Variants in SLC35F2 observed in about 807,000 individuals in gnomAD.
The protein encoded by SLC35F2 is queuine/queuosine transporter SLC35F2.
A neutral mutation model predicts 38.1 loss-of-function variants in SLC35F2; 25 were observed. The observed-to-expected ratio is 0.66, with a 90% confidence interval of 0.48 to 0.92. The LOEUF is 0.92. SLC35F2 is among the 40% of genes least tolerant of loss of function. The pLI, the probability that SLC35F2 is intolerant of heterozygous loss-of-function variation, is 0.00. For synonymous variants in SLC35F2, 173 were observed against 181.7 expected (o/e 0.95, Z 0.38); for missense variants, 409 against 452.9 (o/e 0.90, Z 0.88).
intron 1 of SLC35F2, among the ~76,000 whole-genome samples, chr11:107,847,521 T>C (rs563841484): frequency 2.0e-5 from 3 of 152,170 alleles, no homozygotes; most frequent in Non-Finnish European, 4.4e-5. Flanking sequence ...ATGGGAGGAA[T>C]TGCTACCATT....
At chr11:107,815,662 C>T in intron 2 of SLC35F2, 128 bp downstream of exon 2, 2 of 1,077,846 alleles carry the variant, frequency 1.9e-6, no homozygotes, top group East Asian at 2.6e-5. Flanking sequence ...TTACTTTAAT[C>T]AACAATTTCA....
chr11:107,834,982 G>A (rs1475524872), intron 1 of SLC35F2, among the ~76,000 whole-genome samples: 1 of 152,138 alleles, frequency 6.6e-6, no homozygotes, highest in Non-Finnish European at 1.5e-5. Flanking sequence ...CCTGACAACT[G>A]TAAACCATCA....
At chr11:107,856,474 C>A (rs963730303) in intron 1 of SLC35F2, among the ~76,000 whole-genome samples, 3 of 152,150 alleles carry the variant, frequency 2.0e-5, no homozygotes, top group African/African-American at 7.2e-5. Flanking sequence ...GTGGGTGCAT[C>A]ACTTGAGGTC....
chr11:107,852,550 C>CAAA (rs550992360), intron 1 of SLC35F2, among the ~76,000 whole-genome samples: 1 of 58,450 alleles, frequency 1.7e-5, no homozygotes, highest in Non-Finnish European at 4.6e-5. Flanking sequence ...GACTCCACCT[C>CAAA]AAAAAAAAAA....
chr11:107,794,468 T>G (rs913985145), intron 7 of SLC35F2, among the ~76,000 whole-genome samples: 1 of 152,196 alleles, frequency 6.6e-6, no homozygotes, highest in African/African-American at 2.4e-5. Flanking sequence ...TTAGAGAAAC[T>G]ATGTACTGTA....
intron 6 of SLC35F2, among the ~76,000 whole-genome samples, chr11:107,803,711 T>C (rs922967678): frequency 6.6e-5 from 10 of 152,242 alleles, no homozygotes; most frequent in Middle Eastern, 3.4e-3. Context: ...GCTTGCCACG[T>C]GGATGTTGAC....
In SLC35F2 at chr11:107,838,297, T is replaced by C. The variant is rs117193792; in HGVS notation, c.110+20361A>G. On this transcript the variant is annotated intron_variant, in intron 1 of 7. Transcript: ENST00000525815. ...TAAAAATAAATGTGTGTGGGTGCCA[T>C]ACTAAGTACTTATATATGATGTTTC... Among the ~76,000 whole-genome samples, 497 of 152,266 alleles carry C rather than the reference T, an allele frequency of 3.3e-3. 18 individuals carry two copies. The highest frequency in any genetic ancestry group is 0.03 in the East Asian group (158 of 5,182).
rs1859291330 is a variant in SLC35F2, at chr11:107,800,611, AGC to A, written c.939+2388_939+2389del. On this transcript the variant is annotated intron_variant, in intron 7 of 7. Coordinates refer to ENST00000525815, the MANE Select transcript of SLC35F2 (RefSeq NM_017515.5). ...GAGAAAAGACAGGTCTCGCTCTGTC[AGC>A]CAGGCTGGAGTGCAGTGGTGTGATC... 2.0e-5 allele frequency among the ~76,000 whole-genome samples: 3 copies of A among 151,980 alleles called. No homozygotes were observed. The South Asian group carries it at 6.2e-4, about 32-fold the overall frequency.
chr11:107,794,536 C>T (rs11212377), intron 7 of SLC35F2, among the ~76,000 whole-genome samples: 2 of 152,106 alleles, frequency 1.3e-5, no homozygotes, highest in Non-Finnish European at 2.9e-5. Context: ...GAAAAGCAAA[C>T]TCAACTTATG....
intron 1 of SLC35F2, among the ~76,000 whole-genome samples, chr11:107,831,674 T>C (rs1212960537): frequency 6.6e-6 from 1 of 152,250 alleles, no homozygotes; most frequent in Non-Finnish European, 1.5e-5. Flanking sequence ...GATGGTTGTC[T>C]TGTGACCATC....
rs1859122329 is a variant in SLC35F2, at chr11:107,791,011, G to A, written c.*1604C>T. 1 of 152,486 alleles carries A rather than the reference G, an allele frequency of 6.6e-6. No homozygotes were observed. The highest frequency in any genetic ancestry group is 1.5e-5 in the Non-Finnish European group (1 of 68,024). 9.4% of individuals were successfully genotyped at this position (152,486 alleles called of 1,614,324 possible). A position where few individuals can be genotyped will look rare whatever the true frequency, so the allele number is the denominator to read the frequency against. ...GTTGATGTATTTCCATGAATTCAAA[G>A]CCTTTTAATGATGTGAACACTTACT... On this transcript the variant is annotated 3_prime_UTR_variant, in exon 8 of 8. Transcript: ENST00000525815.
intron 1 of SLC35F2, among the ~76,000 whole-genome samples, chr11:107,839,285 A>AC (rs1216302299): frequency 1.3e-5 from 2 of 151,892 alleles, no homozygotes; most frequent in East Asian, 3.9e-4. Context: ...ACATGGTGAA[A>AC]CCCCGTCTCT....
intron 3 of SLC35F2, 34 bp from the exon 4 acceptor site, chr11:107,806,910 A>C: frequency 1.3e-6 from 2 of 1,595,024 alleles, no homozygotes; most frequent in Non-Finnish European, 1.7e-6. Flanking sequence ...TTTAAAACAT[A>C]TCTCTCATTA....
chr11:107,810,995 C>T, intron 3 of SLC35F2: 16 of 984,526 alleles, frequency 1.6e-5, no homozygotes, highest in Non-Finnish European at 1.9e-5. Flanking sequence ...CAAACTGTGA[C>T]ATCTAAACCT....
chr11:107,852,921 A>G (rs1035561077), intron 1 of SLC35F2, among the ~76,000 whole-genome samples: 2 of 150,946 alleles, frequency 1.3e-5, no homozygotes, highest in African/African-American at 2.4e-5. Context: ...GCCCATGCTG[A>G]TAATCCCAGC....
rs1313596212 is a variant in SLC35F2 at position 107,837,019 on chromosome 11, GT to G, written c.111-21055del. On this transcript the variant is annotated intron_variant, in intron 1 of 7. Transcript: ENST00000525815. ...TACCTTGGATTGAAACACTTTCATC[GT>G]TTGCCAGGGAGAAAATAAAACCAGG... 2.0e-5 allele frequency among the ~76,000 whole-genome samples: 3 copies of G among 152,092 alleles called. No individual in the cohort carries two copies. The South Asian group carries it at 6.2e-4, about 32-fold the overall frequency.
intron 7 of SLC35F2, among the ~76,000 whole-genome samples, chr11:107,802,242 A>AAAAAAAAAAAAAAAAAAAAAAAT (rs559048077): frequency 1.4e-5 from 2 of 147,890 alleles, no homozygotes; most frequent in African/African-American, 2.6e-5. Context: ...CATCTCAAAA[A>AAAAAAAAAAAAAAAAAAAAAAAT]AAATAAATAA....
chr11:107,844,353 C>A (rs1860067499), intron 1 of SLC35F2, among the ~76,000 whole-genome samples: 1 of 152,156 alleles, frequency 6.6e-6, no homozygotes, highest in African/African-American at 2.4e-5. Flanking sequence ...AAGGGCCAGC[C>A]ACGGTGGCTC....
intron 1 of SLC35F2, among the ~76,000 whole-genome samples, chr11:107,841,374 C>T (rs1860010126): frequency 6.6e-6 from 1 of 151,970 alleles, no homozygotes; most frequent in Non-Finnish European, 1.5e-5. Flanking sequence ...ACCAGCCTGA[C>T]CAACATGGTG....
Sources: allele counts gnomAD v4.1 joint callset (sites outside exome capture counted in the v4.1 genomes callset), GRCh38; gene constraint gnomAD v4.1.1; transcripts MANE v1.5; gene names NCBI Gene and HGNC (gene_info 2026-07-23, HGNC 2026-07-21).